Variants in NAALADL2 observed in about 807,000 individuals in gnomAD.
NAALADL2 encodes the protein inactive N-acetylated-alpha-linked acidic dipeptidase-like protein 2.
NAALADL2 carries 76 observed loss-of-function variants against 87.2 expected under a neutral mutation model. That is an observed-to-expected ratio of 0.87 (90% CI 0.72 to 1.05). The LOEUF is 1.05. Ranked by LOEUF, NAALADL2 falls within the 50% of genes least tolerant of loss-of-function variation. NAALADL2 has a pLI of 0.00. For synonymous variants in NAALADL2, 354 were observed against 331.0 expected, an observed-to-expected ratio of 1.07 and a Z score of -0.75; for missense variants, 1,089 against 945.8, an observed-to-expected ratio of 1.15 and a Z score of -1.99.
At chr3:174,832,818 T>C (rs1038758433) in intron 3 of NAALADL2, among the ~76,000 whole-genome samples, 1 of 152,126 alleles carries the variant, frequency 6.6e-6, no homozygotes, top group African/African-American at 2.4e-5. Flanking sequence ...ATGAACTAAT[T>C]TGTTCAAGGT....
chr3:174,843,669 G>A (rs776177967), intron 3 of NAALADL2, among the ~76,000 whole-genome samples: 90 of 152,168 alleles, frequency 5.9e-4, no homozygotes, highest in Middle Eastern at 6.8e-3. Flanking sequence ...ATGTGTAAGT[G>A]TTCCCTTTCT....
chr3:175,000,745 T>G (rs1748116295), intron 1 of NAALADL2, among the ~76,000 whole-genome samples: 1 of 152,220 alleles, frequency 6.6e-6, no homozygotes, highest in African/African-American at 2.4e-5. Context: ...TGTGCATCAA[T>G]ATTAACACCA....
intron 2 of NAALADL2, among the ~76,000 whole-genome samples, chr3:175,190,614 A>G (rs1488341520): frequency 2.0e-5 from 3 of 152,150 alleles, no homozygotes; most frequent in African/African-American, 7.2e-5. Context: ...CATTATGGAA[A>G]ACAATATGGT....
At position 175,234,000 on chromosome 3, in the gene NAALADL2, C is replaced by T. The variant is rs753128251; in HGVS notation, c.615C>T (p.Thr205=). The change falls in exon 3 of 14, where the codon ACC becomes ACT. Residue 205 remains threonine, a synonymous_variant. Transcript: ENST00000454872. The part of the protein sequence containing the change: ...EISKKIKTQW[T]SLGLEDVQFV... ...CAAAGAAGATTAAGACTCAGTGGAC[C>T]TCTTTGGGCCTAGAAGATGTACAGT... The T allele has an allele frequency of 1.6e-5, 25 of 1,611,852 alleles. No homozygotes were observed. Among genetic ancestry groups the T allele is most frequent in the Non-Finnish European group, 2.0e-5 (24 of 1,178,178 alleles).
In NAALADL2 at chr3:174,910,874, A is replaced by G. The variant is rs185892319; in HGVS notation, c.43+51424A>G. Among the ~76,000 whole-genome samples the G allele has an allele frequency of 3.1e-3, 479 of 152,226 alleles. 3 individuals carry two copies. The highest frequency in any genetic ancestry group is 0.011 in the African/African-American group (459 of 41,510). On this transcript the variant is annotated intron_variant, in intron 1 of 13. Coordinates refer to ENST00000454872, the MANE Select transcript of NAALADL2 (RefSeq NM_207015.3). Reference sequence around the variant, plus strand: ...AAGCTATCCCATGACTATTGCCTAGAACGGGAGAGGTGAACAGAAGAGGTA... The same window carrying G: ...AAGCTATCCCATGACTATTGCCTAGGACGGGAGAGGTGAACAGAAGAGGTA...
At position 174,578,628 on chromosome 3, in the gene NAALADL2, C is replaced by T. The variant is rs142629277; in HGVS notation, c.-115+27991C>T. On this transcript the variant is annotated intron_variant, in intron 2 of 3. Transcript: ENST00000434257. ...ACAAGAAATGTTAAAGGAAATTCTT[C>T]ATGCTGAGGGAAATTGACAACAGAT... Among the ~76,000 whole-genome samples, 7 of 152,014 alleles carry T rather than the reference C, an allele frequency of 4.6e-5. No homozygotes were observed. The East Asian group carries it at 1.2e-3, about 25-fold the overall frequency.
intron 5 of NAALADL2, among the ~76,000 whole-genome samples, chr3:175,399,443 A>G (rs1770272831): frequency 6.6e-6 from 1 of 152,174 alleles, no homozygotes; most frequent in Non-Finnish European, 1.5e-5. Context: ...TAGACAGATC[A>G]GCCCTGTGGG....
intron 4 of NAALADL2, among the ~76,000 whole-genome samples, chr3:175,266,382 A>G (rs958665585): frequency 5.3e-5 from 8 of 151,594 alleles, no homozygotes; most frequent in Admixed American, 2.0e-4. Context: ...GTCAGATTAT[A>G]TAATCTAGAA....
intron 11 of NAALADL2, among the ~76,000 whole-genome samples, chr3:175,691,330 G>A (rs1737016475): frequency 6.6e-6 from 1 of 150,672 alleles, no homozygotes; most frequent in Non-Finnish European, 1.5e-5. Context: ...TTTATCTGTA[G>A]GTATGTTTTC....
chr3:175,472,978 G>A (rs1023292117), intron 9 of NAALADL2, among the ~76,000 whole-genome samples: 1 of 152,046 alleles, frequency 6.6e-6, no homozygotes, highest in East Asian at 1.9e-4. Context: ...GTGATCTCAA[G>A]TATCCAGAAA....
At chr3:175,300,985 C>T (rs536322469) in intron 4 of NAALADL2, among the ~76,000 whole-genome samples, 1 of 151,876 alleles carries the variant, frequency 6.6e-6, no homozygotes, top group South Asian at 2.1e-4. Flanking sequence ...GTGGTCCTGA[C>T]CTCAGGTGAT....
chr3:175,780,432 AATATATAC>A (rs1321818301), intron 13 of NAALADL2, among the ~76,000 whole-genome samples: 10 of 152,228 alleles, frequency 6.6e-5, no homozygotes, highest in Non-Finnish European at 1.2e-4. Flanking sequence ...TTTTACATAA[AATATATAC>A]ATATATACAC....
intron 2 of NAALADL2, among the ~76,000 whole-genome samples, chr3:175,212,203 C>A (rs1741863344): frequency 6.6e-6 from 1 of 151,858 alleles, no homozygotes; most frequent in Non-Finnish European, 1.5e-5. Flanking sequence ...CTATATGGTG[C>A]CCATGTCCAT....
intron 2 of NAALADL2, among the ~76,000 whole-genome samples, chr3:174,629,959 G>T (rs932011237): frequency 2.0e-5 from 3 of 152,146 alleles, no homozygotes; most frequent in Non-Finnish European, 4.4e-5. Flanking sequence ...TGTGCATAAA[G>T]AAATTTGGTT....
intron 10 of NAALADL2, among the ~76,000 whole-genome samples, chr3:175,620,446 G>A (rs1463348740): frequency 6.6e-6 from 1 of 152,202 alleles, no homozygotes; most frequent in Non-Finnish European, 1.5e-5. Flanking sequence ...TCCCTAAGGG[G>A]TGTTACAGCT....
intron 1 of NAALADL2, among the ~76,000 whole-genome samples, chr3:175,066,614 T>C (rs1714587432): frequency 6.6e-6 from 1 of 152,186 alleles, no homozygotes; most frequent in Non-Finnish European, 1.5e-5. Flanking sequence ...TGGGATTGTT[T>C]CTTGGTTAGT....
chr3:175,427,780 A>G lies in NAALADL2; in HGVS notation c.1091-19449A>G, dbSNP rs145375107. On this transcript the variant is annotated intron_variant, in intron 5 of 13. Coordinates refer to ENST00000454872, the MANE Select transcript of NAALADL2 (RefSeq NM_207015.3). ...TGCATATTTTTATACTTCTCCTCTA[A>G]GGTAGGAATACAATAAAGTAATTCA... Among the ~76,000 whole-genome samples, 440 of 125,566 alleles carry G rather than the reference A, an allele frequency of 3.5e-3. 2 individuals carry two copies. Among genetic ancestry groups the G allele is most frequent in the African/African-American group, 0.011 (405 of 36,640 alleles). 82.4% of individuals were successfully genotyped at this position (125,566 alleles called of 152,430 possible). A position where few individuals can be genotyped will look rare whatever the true frequency, so the allele number is the denominator to read the frequency against.
chr3:175,261,625 T>C (rs554124059), intron 4 of NAALADL2, among the ~76,000 whole-genome samples: 32 of 152,226 alleles, frequency 2.1e-4, no homozygotes, highest in South Asian at 6.2e-4. Context: ...TTCTGTAATA[T>C]ACTAAGATAT....
chr3:175,437,211 A>T lies in NAALADL2; in HGVS notation c.1091-10018A>T, dbSNP rs1010453198. ...TATATCTAGAAAACCCCATTGTCTC[A>T]GCCCAAAATCTCCTTAAGCTGATAA... On this transcript the variant is annotated intron_variant, in intron 5 of 13. Coordinates refer to ENST00000454872, the MANE Select transcript of NAALADL2 (RefSeq NM_207015.3). Among the ~76,000 whole-genome samples the T allele has an allele frequency of 2.0e-5, 3 of 151,458 alleles. No individual in the cohort carries two copies. The East Asian group carries it at 5.9e-4, about 30-fold the overall frequency.
Sources: gnomAD v4.1 joint callset for allele counts (sites outside exome capture counted in the v4.1 genomes callset) on GRCh38, gnomAD v4.1.1 for gene constraint, MANE v1.5 for transcripts, NCBI Gene and HGNC (gene_info 2026-07-23, HGNC 2026-07-21) for gene names.